CCDC88A: variants seen among roughly 807,000 people sequenced by gnomAD.
CCDC88A encodes the protein coiled-coil and HOOK domain protein 88A.
In CCDC88A, 54 loss-of-function variants were observed where a neutral mutation model predicts 234.3. The observed-to-expected ratio is 0.23, with a 90% CI of 0.19 to 0.29. The LOEUF is 0.29. CCDC88A is among the 10% of genes least tolerant of loss of function. The pLI is 1.00. For synonymous variants in CCDC88A, 753 were observed against 737.8 expected, an observed-to-expected ratio of 1.02 and a Z score of -0.33; for missense variants, 1,832 against 2,123.4, an observed-to-expected ratio of 0.86 and a Z score of 2.70.
In CCDC88A at chr2:55,402,706, T is replaced by C. The variant is rs1574480832; in HGVS notation, c.165-13820A>G. The stretch of plus-strand genomic sequence containing the variant: ...TCCAAATGTCGGCACATTTTATTAC[T>C]ATTTAAAAAAAAAAAAAAACCGGCC... On this transcript the variant is annotated intron_variant, in intron 2 of 32. Coordinates refer to ENST00000436346, the MANE Select transcript of CCDC88A (RefSeq NM_001365480.1). Among the ~76,000 whole-genome samples the C allele has an allele frequency of 7.9e-5, 4 of 50,352 alleles. No homozygotes were observed. In the East Asian group the frequency reaches 1.4e-3, roughly 18 times the overall value. 33.0% of individuals were successfully genotyped at this position (50,352 alleles called of 152,430 possible).
Position 55,334,606 on chromosome 2 carries a change from T to G in CCDC88A, c.2215A>C (p.Lys739Gln). ...ELESEKEQLK[K>Q]GLELLKASFK... ...GATGCTTTCAGGAGCTCCAAACCCTTCTTAAGTTGCTCTTTTTCACTTTCC... is the reference window on the plus strand; with the variant it reads ...GATGCTTTCAGGAGCTCCAAACCCTGCTTAAGTTGCTCTTTTTCACTTTCC... Residue 739 changes from lysine to glutamine, a missense_variant, in exon 15 of 33, where the codon AAG (lysine) becomes CAG (glutamine). Physicochemically the swap from Lys to Gln is moderately conservative, Grantham distance 53 (BLOSUM62 1). Coordinates refer to ENST00000436346, the MANE Select transcript of CCDC88A (RefSeq NM_001365480.1). The surrounding 1 kb of genome is among the most constrained non-coding windows in gnomAD (Gnocchi z 6.1). 6.2e-7 allele frequency: 1 copy of G among 1,613,632 alleles called. No homozygotes were observed. The highest frequency in any genetic ancestry group is 8.5e-7 in the Non-Finnish European group (1 of 1,179,844).
chr2:55,322,501 T>G, intron 18 of CCDC88A, 27 bp downstream of exon 18: 1 of 1,383,264 alleles, frequency 7.2e-7, no homozygotes, highest in African/African-American at 1.5e-5. Flanking sequence ...AAAAAAACTA[T>G]TTCTACTAAA....
intron 2 of CCDC88A, among the ~76,000 whole-genome samples, chr2:55,411,881 A>C (rs1680558831): frequency 6.6e-6 from 1 of 151,974 alleles, no homozygotes; most frequent in Non-Finnish European, 1.5e-5. Flanking sequence ...AAAACCATGG[A>C]CCATGAAATC....
chr2:55,304,514 GA>G (rs574361556), intron 25 of CCDC88A, among the ~76,000 whole-genome samples: 1,615 of 151,184 alleles, frequency 0.011, 26 homozygotes, highest in African/African-American at 0.035. Context: ...GGAAAGAGGG[GA>G]AAAAAAAGAG....
At chr2:55,295,554 A>T (rs776781180) in intron 31 of CCDC88A, 43 bp downstream of exon 31, 360 of 1,614,008 alleles carry the variant, frequency 2.2e-4, no homozygotes, top group South Asian at 4.5e-4. Context: ...ATGTGTTGGG[A>T]TGTCAAGTAT....
Position 55,419,530 on chromosome 2 carries a change from T to TACGG in CCDC88A, c.-452_-451insCCGT. ...TAAGGATACCGAGGCGCCACCAGAC[T>TACGG]CGACCTCGGCGTTCCGACCTCTACA... On this transcript the variant is annotated 5_prime_UTR_variant, in exon 1 of 33. Transcript: ENST00000436346. 1 of 159,896 alleles carries TACGG rather than the reference T, an allele frequency of 6.3e-6. No individual in the cohort carries two copies. The highest frequency in any genetic ancestry group is 1.7e-4 in the South Asian group (1 of 5,872). 9.9% of individuals were successfully genotyped at this position (159,896 alleles called of 1,614,324 possible). A position where few individuals can be genotyped will look rare whatever the true frequency, so the allele number is the denominator to read the frequency against.
chr2:55,362,067 G>T (rs951640826), intron 7 of CCDC88A: 2 of 311,970 alleles, frequency 6.4e-6, no homozygotes, highest in African/African-American at 4.3e-5. Context: ...AAACACACAG[G>T]AAGAAAATCA....
chr2:55,344,298 C>T, intron 11 of CCDC88A, 70 bp downstream of exon 11: 3 of 1,144,798 alleles, frequency 2.6e-6, no homozygotes. Context: ...CTTGCCAATA[C>T]AGGGAAATCA....
chr2:55,308,883 T>C lies in CCDC88A; in HGVS notation c.4313A>G (p.Asp1438Gly). The C allele has an allele frequency of 1.2e-6, 2 of 1,614,140 alleles. No homozygotes were observed. The highest frequency in any genetic ancestry group is 1.7e-6 in the Non-Finnish European group (2 of 1,180,004). The change falls in exon 25 of 33, where the codon GAC becomes GGC. Residue 1438 changes from aspartate to glycine, a missense_variant. Physicochemically the swap from Asp to Gly is moderately conservative, Grantham distance 94. This residue lies in a region of CCDC88A where 1,282 missense variants were observed against 1,543.6 expected (regional missense o/e 0.83). Transcript: ENST00000436346. Reference protein sequence around the residue: ...SEGFLQLPHQDSQDSSSVGSN... With the variant: ...SEGFLQLPHQGSQDSSSVGSN... The stretch of plus-strand genomic sequence containing the variant: ...ACCTACTGAAGAACTATCTTGACTG[T>C]CTTGATGAGGGAGCTGAAGAAATCC...
In CCDC88A at chr2:55,317,879, C is replaced by G; in HGVS notation, c.3325-38G>C. ...ATATTGTTATCAGACATAAGAAAAA[C>G]AGTTCATGTTCTTTTTCAAAATACA... On this transcript the variant is annotated intron_variant, in intron 19 of 32. Coordinates refer to ENST00000436346, the MANE Select transcript of CCDC88A (RefSeq NM_001365480.1). This position sits in a 1 kb window ranked among gnomAD's most constrained non-coding sequence, Gnocchi z 4.2. 7.3e-7 allele frequency: 1 copy of G among 1,370,324 alleles called. No individual in the cohort carries two copies. Among genetic ancestry groups the G allele is most frequent in the Non-Finnish European group, 1.0e-6 (1 of 1,003,502 alleles). The allele number at this position is 1,370,324 out of a possible 1,614,324, so 84.9% of individuals were successfully genotyped here.
intron 32 of CCDC88A, 77 bp from the exon 33 acceptor site, chr2:55,291,241 A>G (rs1679419701): frequency 6.6e-6 from 1 of 152,614 alleles, no homozygotes; most frequent in African/African-American, 2.4e-5. Flanking sequence ...CAAAATACAG[A>G]GCAGCCACTA....
intron 14 of CCDC88A, 95 bp downstream of exon 14, chr2:55,336,586 A>T: frequency 1.4e-6 from 1 of 739,358 alleles, no homozygotes; most frequent in Non-Finnish European, 2.1e-6. Flanking sequence ...ATTTCCCTTT[A>T]ATGTTTATAT....
chr2:55,324,475 G>A (rs1684018495), intron 17 of CCDC88A: 1 of 152,154 alleles, frequency 6.6e-6, no homozygotes, highest in Non-Finnish European at 1.5e-5. Flanking sequence ...GTGTGTATGT[G>A]TGTGTGTTTC....
At chr2:55,344,567 G>A (rs1466566090) in intron 10 of CCDC88A, 53 bp from the exon 11 acceptor site, 2 of 1,033,666 alleles carry the variant, frequency 1.9e-6, no homozygotes, top group Admixed American at 6.1e-5. Context: ...TTAAAGTTAT[G>A]GAACATACAG....
intron 25 of CCDC88A, 79 bp downstream of exon 25, chr2:55,308,730 C>T: frequency 9.9e-7 from 1 of 1,007,604 alleles, no homozygotes; most frequent in Non-Finnish European, 1.5e-6. Context: ...ACTATTCCCC[C>T]AAAGGACTAC....
chr2:55,289,302 A>C lies in CCDC88A; in HGVS notation c.*1898T>G, dbSNP rs1179070084. The C allele has an allele frequency of 6.6e-6, 1 of 152,616 alleles. No homozygotes were observed. Among genetic ancestry groups the C allele is most frequent in the African/African-American group, 2.4e-5 (1 of 41,462 alleles). 9.5% of individuals were successfully genotyped at this position (152,616 alleles called of 1,614,324 possible). A position where few individuals can be genotyped will look rare whatever the true frequency, so the allele number is the denominator to read the frequency against. ...TTAGATGCTAGCTAATATAAATCTA[A>C]GTTACCCACTAACTGTATTTAGCCA... On this transcript the variant is annotated 3_prime_UTR_variant, in exon 33 of 33. Transcript: ENST00000436346.
At position 55,388,768 on chromosome 2, in the gene CCDC88A, G is replaced by C; in HGVS notation, c.273+10C>G. The C allele has an allele frequency of 9.6e-7, 1 of 1,037,858 alleles. No homozygotes were observed. The highest frequency in any genetic ancestry group is 2.0e-4 in the Middle Eastern group (1 of 4,936). 64.3% of individuals were successfully genotyped at this position (1,037,858 alleles called of 1,614,324 possible). ...TATTAAAACCCCAGATTTTTAAAAA[G>C]AGCACTTACCTGGTAATAAAATTTT... On this transcript the variant is annotated intron_variant, in intron 3 of 32. Transcript: ENST00000436346.
intron 7 of CCDC88A, among the ~76,000 whole-genome samples, chr2:55,359,437 A>T (rs1030134434): frequency 5.9e-5 from 9 of 152,004 alleles, no homozygotes; most frequent in African/African-American, 2.2e-4. Context: ...GATTATTTAG[A>T]TATTTTGACA....
At chr2:55,297,337 A>ATATATAT (rs1680212610) in intron 29 of CCDC88A, among the ~76,000 whole-genome samples, 2 of 18,262 alleles carry the variant, frequency 1.1e-4, no homozygotes, top group Non-Finnish European at 3.0e-4. Flanking sequence ...ATAATATATA[A>ATATATAT]ATTTATATAT....
Sources: gnomAD v4.1 joint callset for allele counts (sites outside exome capture counted in the v4.1 genomes callset) on GRCh38, gnomAD v4.1.1 for gene constraint, gnomAD v4.1.1 regional missense constraint, Gnocchi (gnomAD v3.1) non-coding constraint, MANE v1.5 for transcripts, NCBI Gene and HGNC (gene_info 2026-07-23, HGNC 2026-07-21) for gene names.